NEGR1: variants seen among roughly 807,000 people sequenced by gnomAD.
The protein encoded by NEGR1 is IgLON family member 4.
NEGR1 carries 10 observed loss-of-function variants against 40.9 expected under a neutral mutation model. The observed-to-expected ratio is 0.24, with a 90% CI of 0.15 to 0.42. The LOEUF is 0.42. Among genes scored for constraint, NEGR1 ranks in the 10% least tolerant of loss-of-function variants. The pLI, the probability that NEGR1 is intolerant of heterozygous loss-of-function variation, is 1.00. For synonymous variants in NEGR1, 185 were observed against 166.8 expected, an observed-to-expected ratio of 1.11 and a Z score of -0.84; for missense variants, 352 against 438.9, an observed-to-expected ratio of 0.80 and a Z score of 1.77.
intron 3 of NEGR1, among the ~76,000 whole-genome samples, chr1:71,708,368 A>G (rs1220173768): frequency 3.9e-5 from 6 of 152,080 alleles, no homozygotes; most frequent in Non-Finnish European, 7.4e-5. Context: ...TATTTGGCAT[A>G]CTGAAAAATA....
chr1:71,922,050 C>T (rs1453077457), intron 2 of NEGR1, among the ~76,000 whole-genome samples: 1 of 152,116 alleles, frequency 6.6e-6, no homozygotes, highest in Non-Finnish European at 1.5e-5. Context: ...CAAGAAGAAG[C>T]CGCTAATACT....
At chr1:72,008,156 A>C (rs1646624840) in intron 1 of NEGR1, among the ~76,000 whole-genome samples, 1 of 152,042 alleles carries the variant, frequency 6.6e-6, no homozygotes, top group African/African-American at 2.4e-5. Flanking sequence ...GGTGTTTTTA[A>C]TGGGTGTCAA....
At chr1:72,060,175 A>C (rs1023643138) in intron 1 of NEGR1, among the ~76,000 whole-genome samples, 2 of 151,662 alleles carry the variant, frequency 1.3e-5, no homozygotes, top group African/African-American at 4.8e-5. Flanking sequence ...AAATAACTCA[A>C]GCTTTCTACC....
chr1:71,755,742 T>C (rs565318195), intron 3 of NEGR1, among the ~76,000 whole-genome samples: 1 of 152,292 alleles, frequency 6.6e-6, no homozygotes, highest in East Asian at 1.9e-4. Context: ...ATTGTTAATG[T>C]GTAATTTTTT....
intron 6 of NEGR1, among the ~76,000 whole-genome samples, chr1:71,509,446 T>C (rs1365237850): frequency 6.6e-6 from 1 of 152,218 alleles, no homozygotes; most frequent in East Asian, 1.9e-4. Context: ...GACATGCCAC[T>C]GGTGAGTCAG....
chr1:72,165,757 A>G (rs1048223219), intron 1 of NEGR1, among the ~76,000 whole-genome samples: 1 of 151,970 alleles, frequency 6.6e-6, no homozygotes, highest in Non-Finnish European at 1.5e-5. Context: ...TGAGTAAAAT[A>G]TCTTCTCTGA....
intron 1 of NEGR1, among the ~76,000 whole-genome samples, chr1:72,156,326 A>T (rs1386640916): frequency 6.6e-6 from 1 of 152,100 alleles, no homozygotes; most frequent in East Asian, 1.9e-4. Flanking sequence ...GGGGCTTGGG[A>T]GTCAACAAGG....
At chr1:71,702,726 T>TA (rs5775082) in intron 3 of NEGR1, among the ~76,000 whole-genome samples, 75,914 of 141,766 alleles carry the variant, frequency 0.54, 20,096 homozygotes, top group South Asian at 0.6. Flanking sequence ...AAAACTTATT[T>TA]AAAAAAAAAA....
chr1:71,472,642 G>A (rs1183669717), intron 6 of NEGR1: 1 of 152,084 alleles, frequency 6.6e-6, no homozygotes, highest in African/African-American at 2.4e-5. Context: ...TTTAGAAAAG[G>A]TGATGCATCA....
chr1:72,108,123 C>G (rs1359521660), intron 1 of NEGR1, among the ~76,000 whole-genome samples: 1 of 151,578 alleles, frequency 6.6e-6, no homozygotes, highest in East Asian at 1.9e-4. Flanking sequence ...AGTAAAGTAA[C>G]TGAATGGGTC....
chr1:72,121,827 C>A (rs1439588252), intron 1 of NEGR1, among the ~76,000 whole-genome samples: 1 of 151,976 alleles, frequency 6.6e-6, no homozygotes, highest in Non-Finnish European at 1.5e-5. Flanking sequence ...TGAATTGCGT[C>A]TCATTGTGTT....
chr1:72,269,027 T>C (rs972720489), intron 1 of NEGR1, among the ~76,000 whole-genome samples: 3 of 151,610 alleles, frequency 2.0e-5, no homozygotes, highest in Non-Finnish European at 3.0e-5. Flanking sequence ...AAGACGGATA[T>C]ATAAGCACAT....
intron 1 of NEGR1, among the ~76,000 whole-genome samples, chr1:72,220,914 GT>G (rs3082236): frequency 0.054 from 7,545 of 140,748 alleles, 616 homozygotes; most frequent in African/African-American, 0.18. Context: ...CCTACCTAAA[GT>G]TTTTTTTTTT....
At chr1:71,660,499 A>G (rs1652019797) in intron 4 of NEGR1, among the ~76,000 whole-genome samples, 1 of 152,120 alleles carries the variant, frequency 6.6e-6, no homozygotes, top group Non-Finnish European at 1.5e-5. Context: ...AAAAGAAAAA[A>G]AAGTCTCTTT....
intron 1 of NEGR1, among the ~76,000 whole-genome samples, chr1:72,184,644 G>C (rs780995647): frequency 6.6e-6 from 1 of 151,928 alleles, no homozygotes; most frequent in Non-Finnish European, 1.5e-5. Flanking sequence ...AAAATTTTAG[G>C]TCCATAATAT....
intron 1 of NEGR1, among the ~76,000 whole-genome samples, chr1:71,991,315 A>G (rs895179268): frequency 3.9e-5 from 6 of 152,138 alleles, no homozygotes; most frequent in Non-Finnish European, 5.9e-5. Context: ...TTAAAATCAC[A>G]TATTTTAGTA....
intron 4 of NEGR1, among the ~76,000 whole-genome samples, chr1:71,686,179 G>A (rs1653031158): frequency 6.6e-6 from 1 of 152,104 alleles, no homozygotes; most frequent in East Asian, 1.9e-4. Flanking sequence ...AAATTTTGAA[G>A]TAAGATGTGA....
At chr1:71,579,308 G>C (rs1028059941) in intron 6 of NEGR1, among the ~76,000 whole-genome samples, 14 of 151,974 alleles carry the variant, frequency 9.2e-5, no homozygotes, top group African/African-American at 1.7e-4. Flanking sequence ...ATAATTGCTT[G>C]TGTTGCCAAA....
chr1:71,744,358 A>G (rs978122274), intron 3 of NEGR1, among the ~76,000 whole-genome samples: 4 of 147,952 alleles, frequency 2.7e-5, no homozygotes, highest in Non-Finnish European at 6.0e-5. Context: ...TAATAATAAT[A>G]ATAATAATAA....
Sources: allele counts gnomAD v4.1 joint callset (sites outside exome capture counted in the v4.1 genomes callset), GRCh38; gene constraint gnomAD v4.1.1; transcripts MANE v1.5; gene names NCBI Gene and HGNC (gene_info 2026-07-23, HGNC 2026-07-21).